The following NUMA1 variants were observed in gnomAD, a reference collection of about 807,000 sequenced individuals.
NUMA1 encodes nuclear mitotic apparatus protein 1.
In NUMA1, 62 loss-of-function variants were observed where a neutral mutation model predicts 237.1. The observed-to-expected ratio is 0.26, with a 90% CI of 0.21 to 0.32. The LOEUF is 0.32. Among genes scored for constraint, NUMA1 ranks in the 10% least tolerant of loss-of-function variants. The probability of loss-of-function intolerance (pLI) is 1.00; values close to 1 mark genes in which losing one functional copy is unlikely to be tolerated. For missense variants in NUMA1, 2,533 were observed against 2,666.5 expected, an observed-to-expected ratio of 0.95 and a Z score of 1.10; for synonymous variants, 1,028 against 1,066.1, an observed-to-expected ratio of 0.96 and a Z score of 0.70.
chr11:72,037,505 CA>C (rs993622264), intron 2 of NUMA1, among the ~76,000 whole-genome samples: 4 of 148,560 alleles, frequency 2.7e-5, no homozygotes, highest in Non-Finnish European at 4.5e-5. Context: ...GACTCCGTCT[CA>C]AAAAAAAATA....
intron 14 of NUMA1, 32 bp downstream of exon 14, chr11:72,016,376 A>C (rs1057992): frequency 0.96 from 1,549,752 of 1,610,298 alleles, 746,947 homozygotes; most frequent in Non-Finnish European, 0.98. Flanking sequence ...CACACCAACC[A>C]GCAGCACACA....
At chr11:72,070,839 CATTCAAATATTTTA>C (rs1041710593) in intron 1 of NUMA1, among the ~76,000 whole-genome samples, 2 of 152,196 alleles carry the variant, frequency 1.3e-5, no homozygotes, top group African/African-American at 2.4e-5. Flanking sequence ...CCCCTAAAGG[CATTCAAATATTTTA>C]ATTCAAATAT....
At chr11:72,063,543 A>G (rs192266312) in intron 2 of NUMA1, among the ~76,000 whole-genome samples, 1,804 of 142,816 alleles carry the variant, frequency 0.013, 46 homozygotes, top group Non-Finnish European at 0.013. Flanking sequence ...TGCTAGGATG[A>G]TGGGTGTGAG....
chr11:72,060,072 G>T (rs1942859207), intron 2 of NUMA1, among the ~76,000 whole-genome samples: 2 of 152,232 alleles, frequency 1.3e-5, no homozygotes, highest in South Asian at 4.1e-4. Flanking sequence ...GACACAACCA[G>T]TAAGTCCAGA....
intron 20 of NUMA1, chr11:72,007,847 C>T (rs536538846): frequency 3.4e-5 from 12 of 350,166 alleles, no homozygotes; most frequent in East Asian, 2.2e-4. Context: ...AGCCCAATCA[C>T]CAAGCTTCCT....
At chr11:72,021,162 T>C in intron 8 of NUMA1, 42 bp downstream of exon 8, 1 of 1,477,236 alleles carries the variant, frequency 6.8e-7, no homozygotes, top group African/African-American at 1.4e-5. Context: ...GTATTCCCCA[T>C]TTCAGAGATG....
intron 3 of NUMA1, among the ~76,000 whole-genome samples, chr11:72,030,450 C>A (rs117483230): frequency 0.014 from 2,099 of 152,166 alleles, 17 homozygotes; most frequent in Non-Finnish European, 0.022. Flanking sequence ...GTTGCCTGTT[C>A]CCATTCTTTG....
chr11:72,054,656 T>C (rs564687039), intron 2 of NUMA1, among the ~76,000 whole-genome samples: 1 of 152,266 alleles, frequency 6.6e-6, no homozygotes, highest in African/African-American at 2.4e-5. Flanking sequence ...AAGTTTCAAA[T>C]CCAAGACTGT....
chr11:72,018,064 C>G (rs1419059504), intron 12 of NUMA1, 119 bp downstream of exon 12: 23 of 962,898 alleles, frequency 2.4e-5, no homozygotes, highest in Non-Finnish European at 3.8e-5. Context: ...ATGCAGGTCT[C>G]TGGAGAGACT....
chr11:72,003,264 G>A lies in NUMA1; in HGVS notation c.*263C>T. The A allele has an allele frequency of 3.8e-6, 2 of 526,654 alleles. No homozygotes were observed. Among genetic ancestry groups the A allele is most frequent in the Non-Finnish European group, 6.8e-6 (2 of 293,064 alleles). The allele number at this position is 526,654 out of a possible 1,614,324, so 32.6% of individuals were successfully genotyped here. A position where few individuals can be genotyped will look rare whatever the true frequency, so the allele number is the denominator to read the frequency against. On this transcript the variant is annotated 3_prime_UTR_variant, in exon 27 of 27. Coordinates refer to ENST00000393695, the MANE Select transcript of NUMA1 (RefSeq NM_006185.4). ...CCTCAAATCTGGTTGTGATGGAGAA[G>A]TGACTTTGCTTTAAGAAAAAAGGAG...
rs1390383152 is a variant in NUMA1, at chr11:72,007,375, G to A, written c.5277C>T (p.Ile1759=). 6.2e-7 allele frequency: 1 copy of A among 1,613,856 alleles called. No homozygotes were observed. Among genetic ancestry groups the A allele is most frequent in the South Asian group, 1.1e-5 (1 of 91,064 alleles). Residue 1759 remains isoleucine, a synonymous_variant, in exon 21 of 27, where the codon ATC becomes ATT. Transcript: ENST00000393695. ...CTACCTTGGGGGGCAGGCGCTGGGA[G>A]ATAGGTGAGGCTGGTTCTCCAGGGA... ...TSVPGEPASP[I]SQRLPPKVES...
intron 2 of NUMA1, among the ~76,000 whole-genome samples, chr11:72,046,803 T>C (rs550391376): frequency 6.7e-6 from 1 of 150,288 alleles, no homozygotes; most frequent in East Asian, 2.0e-4. Context: ...CTACTAAAAA[T>C]ACAAAAATTA....
At position 72,009,193 on chromosome 11, in the gene NUMA1, C is replaced by T. The variant is rs376599223; in HGVS notation, c.4840-8G>A. 6.7e-4 allele frequency: 250 copies of T among 373,956 alleles called. 1 individual carries two copies. In the South Asian group the frequency reaches 9.9e-3, roughly 15 times the overall value. 23.2% of individuals were successfully genotyped at this position (373,956 alleles called of 1,614,324 possible). A position where few individuals can be genotyped will look rare whatever the true frequency, so the allele number is the denominator to read the frequency against. On this transcript the variant is annotated splice_polypyrimidine_tract_variant and splice_region_variant and intron_variant, in intron 18 of 26. Transcript: ENST00000393695. ...TGTTTTGGCTTTCTCCATCTGTGGG[C>T]AGAGAGGGTGGGTGGGTGGGGTAGA...
chr11:72,015,317 A>G lies in NUMA1; in HGVS notation c.2186T>C (p.Leu729Pro), dbSNP rs756871355. 1.9e-6 allele frequency: 3 copies of G among 1,613,518 alleles called. No homozygotes were observed. In the Admixed American group the frequency reaches 5.0e-5, roughly 27 times the overall value. ...EEEKRRAADALEEQQRCISEL... is the reference protein window; with the variant it reads ...EEEKRRAADAPEEQQRCISEL... Reference sequence around the variant, plus strand: ...AGAGATACAACGCTGCTGCTCTTCCAGGGCATCTGCAGCCCTGCGCTTCTC... The same window carrying G: ...AGAGATACAACGCTGCTGCTCTTCCGGGGCATCTGCAGCCCTGCGCTTCTC... Residue 729 changes from leucine (L) to proline (P), a missense_variant, in exon 15 of 27, where the codon CTG becomes CCG. This residue lies in a region of NUMA1 where 1,414 missense variants were observed against 1,508.1 expected (regional missense o/e 0.94). Coordinates refer to ENST00000393695, the MANE Select transcript of NUMA1 (RefSeq NM_006185.4). The surrounding 1 kb of genome is among the most constrained non-coding windows in gnomAD (Gnocchi z 4.0).
chr11:72,018,150 G>A (rs777488546), intron 12 of NUMA1, 33 bp downstream of exon 12: 28 of 1,478,940 alleles, frequency 1.9e-5, no homozygotes, highest in Non-Finnish European at 2.7e-5. Context: ...CAGCCCTGAG[G>A]GGCCTCCATG....
intron 6 of NUMA1, 73 bp from the exon 7 acceptor site, chr11:72,022,492 T>A: frequency 9.7e-7 from 1 of 1,026,280 alleles, no homozygotes; most frequent in Non-Finnish European, 1.5e-6. Flanking sequence ...TGGGCTGTTC[T>A]GGGGACTCTG....
chr11:72,059,330 G>A (rs1321795849), intron 2 of NUMA1, among the ~76,000 whole-genome samples: 2 of 152,086 alleles, frequency 1.3e-5, no homozygotes, highest in African/African-American at 2.4e-5. Context: ...AGGCTGGAGT[G>A]CAGTGGCACC....
chr11:72,014,983 C>T lies in NUMA1; in HGVS notation c.2520G>A (p.Glu840=), dbSNP rs756277461. The change falls in exon 15 of 27, where the codon GAG becomes GAA. Residue 840 remains glutamate (E), a synonymous_variant. Coordinates refer to ENST00000393695, the MANE Select transcript of NUMA1 (RefSeq NM_006185.4). The surrounding 1 kb of genome is among the most constrained non-coding windows in gnomAD (Gnocchi z 4.6). ...GCTCCTGGCGGGCCTTCTCACATTC[C>T]TCCTTCAAAGTCATCAGCTGTTCCT... is the stretch of plus-strand genomic sequence containing the variant. The part of the protein sequence containing the change: ...MFQEQLMTLK[E]ECEKARQELQ... 3 of 1,614,080 alleles carry T rather than the reference C, an allele frequency of 1.9e-6. No homozygotes were observed. Among genetic ancestry groups the T allele is most frequent in the Admixed American group, 3.3e-5 (2 of 60,028 alleles).
At chr11:72,058,261 G>GTAA (rs1360725279) in intron 2 of NUMA1, among the ~76,000 whole-genome samples, 1 of 152,060 alleles carries the variant, frequency 6.6e-6, no homozygotes, top group Non-Finnish European at 1.5e-5. Context: ...ATGAGAAATG[G>GTAA]TAACATATTT....
Sources: allele counts gnomAD v4.1 joint callset (sites outside exome capture counted in the v4.1 genomes callset), GRCh38; gene constraint gnomAD v4.1.1; regional missense constraint gnomAD v4.1.1; non-coding constraint Gnocchi (gnomAD v3.1); transcripts MANE v1.5; gene names NCBI Gene and HGNC (gene_info 2026-07-23, HGNC 2026-07-21).